PALLD: variants seen among roughly 807,000 people sequenced by gnomAD.
PALLD encodes palladin, cytoskeletal associated protein.
A neutral mutation model predicts 123.5 loss-of-function variants in PALLD; 61 were observed. That is an observed-to-expected ratio of 0.49 (90% CI 0.40 to 0.61). The LOEUF (loss-of-function observed/expected upper bound fraction) is 0.61, where lower values mean the gene tolerates loss of function less well. Among genes scored for constraint, PALLD ranks in the 20% least tolerant of loss-of-function variants. The pLI is 0.00. For synonymous variants in PALLD, 465 were observed against 496.4 expected (o/e 0.94, Z 0.84); for missense variants, 1,273 against 1,377.0 (o/e 0.92, Z 1.20).
intron 10 of PALLD, among the ~76,000 whole-genome samples, chr4:168,756,708 T>C (rs983497312): frequency 2.6e-5 from 4 of 152,214 alleles, no homozygotes; most frequent in African/African-American, 4.8e-5. Context: ...GGTGTGTTTA[T>C]ACATTTCCAT....
Position 168,690,629 on chromosome 4 carries a change from A to AGGCCAGGTGGTGGTTCTGGAG in PALLD, c.1363_1383dup (p.Gly455_Glu461dup). ...AACTGCAAAACACAGCCGTGGCGGA[A>AGGCCAGGTGGTGGTTCTGGAG]GGCCAGGTGGTGGTTCTGGAGTGCC... On this transcript the variant is annotated inframe_insertion, in exon 7 of 22. Transcript: ENST00000505667. 1 of 1,614,192 alleles carries AGGCCAGGTGGTGGTTCTGGAG rather than the reference A, an allele frequency of 6.2e-7. No homozygotes were observed. The highest frequency in any genetic ancestry group is 8.5e-7 in the Non-Finnish European group (1 of 1,180,028).
At chr4:168,814,592 C>T (rs933832718) in intron 10 of PALLD, among the ~76,000 whole-genome samples, 2 of 152,194 alleles carry the variant, frequency 1.3e-5, no homozygotes, top group African/African-American at 2.4e-5. Context: ...GCAAAAACGG[C>T]AGGAGAGTGC....
At chr4:168,568,072 A>C (rs1056828570) in intron 2 of PALLD, among the ~76,000 whole-genome samples, 1 of 152,050 alleles carries the variant, frequency 6.6e-6, no homozygotes, top group Non-Finnish European at 1.5e-5. Context: ...TAAAAGCTGA[A>C]ATTTCTTACT....
intron 10 of PALLD, among the ~76,000 whole-genome samples, chr4:168,843,605 A>G (rs1343676253): frequency 1.3e-5 from 2 of 152,170 alleles, no homozygotes; most frequent in Non-Finnish European, 2.9e-5. Context: ...TTCTATTTTC[A>G]TAGGCAAGGA....
At chr4:168,750,733 C>G (rs1216796704) in intron 10 of PALLD, among the ~76,000 whole-genome samples, 2 of 152,174 alleles carry the variant, frequency 1.3e-5, no homozygotes, top group Non-Finnish European at 2.9e-5. Context: ...GACAGAAACA[C>G]TATTTCTGTG....
intron 8 of PALLD, among the ~76,000 whole-genome samples, chr4:168,693,803 A>G (rs1317127431): frequency 2.0e-5 from 3 of 152,186 alleles, no homozygotes; most frequent in Non-Finnish European, 2.9e-5. Context: ...TCCCTTTTAC[A>G]GCGTTAAAAT....
chr4:168,603,538 A>G (rs554397580), intron 2 of PALLD, among the ~76,000 whole-genome samples: 11 of 152,318 alleles, frequency 7.2e-5, no homozygotes, highest in African/African-American at 2.6e-4. Context: ...TCAGAAAAGT[A>G]CAGCTTGTTC....
At chr4:168,774,138 C>T (rs1734834949) in intron 10 of PALLD, among the ~76,000 whole-genome samples, 3 of 150,720 alleles carry the variant, frequency 2.0e-5, no homozygotes, top group African/African-American at 2.4e-5. Context: ...CAGAAAACTG[C>T]GTAAAACAAT....
At chr4:168,764,496 C>T (rs188206528) in intron 10 of PALLD, among the ~76,000 whole-genome samples, 7 of 152,206 alleles carry the variant, frequency 4.6e-5, no homozygotes, top group Admixed American at 2.0e-4. Flanking sequence ...TAGCACACTA[C>T]GGCCTCAAAT....
intron 10 of PALLD, among the ~76,000 whole-genome samples, chr4:168,857,386 G>GT (rs1413228124): frequency 6.6e-6 from 1 of 152,146 alleles, no homozygotes; most frequent in Non-Finnish European, 1.5e-5. Context: ...ATTTAGAAGT[G>GT]TTTTTTCCAA....
At chr4:168,595,649 T>G (rs866753578) in intron 2 of PALLD, among the ~76,000 whole-genome samples, 9 of 152,268 alleles carry the variant, frequency 5.9e-5, no homozygotes, top group South Asian at 2.1e-4. Context: ...CAAGACAGTG[T>G]CTACAAATTG....
chr4:168,499,013 A>G (rs1166091253), intron 1 of PALLD, among the ~76,000 whole-genome samples: 1 of 151,896 alleles, frequency 6.6e-6, no homozygotes, highest in African/African-American at 2.4e-5. Context: ...TTAAAACTGT[A>G]GGATAAATAT....
At chr4:168,639,142 T>G (rs1776642163) in intron 2 of PALLD, among the ~76,000 whole-genome samples, 1 of 152,232 alleles carries the variant, frequency 6.6e-6, no homozygotes, top group Admixed American at 6.5e-5. Context: ...GAAATAAATT[T>G]TAGCATGTTA....
chr4:168,789,171 A>T (rs1341053974), intron 10 of PALLD, among the ~76,000 whole-genome samples: 5 of 152,180 alleles, frequency 3.3e-5, no homozygotes, highest in African/African-American at 4.8e-5. Context: ...TGACACTCTC[A>T]TTCATGTCTT....
At chr4:168,599,221 A>C (rs368986322) in intron 2 of PALLD, among the ~76,000 whole-genome samples, 2 of 152,350 alleles carry the variant, frequency 1.3e-5, no homozygotes, top group African/African-American at 4.8e-5. Context: ...TTACAAAAAC[A>C]TTAGAAATGT....
At chr4:168,557,880 C>G (rs1561245229) in intron 2 of PALLD, among the ~76,000 whole-genome samples, 1 of 152,126 alleles carries the variant, frequency 6.6e-6, no homozygotes, top group African/African-American at 2.4e-5. Context: ...TCACCCCTGT[C>G]TGTGCACTTC....
chr4:168,711,066 G>A (rs1156482478), intron 9 of PALLD, among the ~76,000 whole-genome samples: 1 of 152,172 alleles, frequency 6.6e-6, no homozygotes, highest in East Asian at 1.9e-4. Flanking sequence ...CTGAGTTATA[G>A]TTGGAGCAAT....
At chr4:168,638,426 G>C (rs1338253410) in intron 2 of PALLD, among the ~76,000 whole-genome samples, 1 of 152,174 alleles carries the variant, frequency 6.6e-6, no homozygotes, top group Non-Finnish European at 1.5e-5. Context: ...TCTCCTGGCA[G>C]GCCTTCCAGG....
intron 3 of PALLD, among the ~76,000 whole-genome samples, chr4:168,673,321 C>T (rs1780482912): frequency 6.6e-6 from 1 of 152,202 alleles, no homozygotes. Flanking sequence ...AAAGAGATGA[C>T]ATTTGGTCTC....
Sources: gnomAD v4.1 joint callset for allele counts (sites outside exome capture counted in the v4.1 genomes callset) on GRCh38, gnomAD v4.1.1 for gene constraint, MANE v1.5 for transcripts, NCBI Gene and HGNC (gene_info 2026-07-23, HGNC 2026-07-21) for gene names.